VPS8: variants seen among roughly 807,000 people sequenced by gnomAD.
The protein encoded by VPS8 is vacuolar protein sorting-associated protein 8 homolog.
VPS8 carries 129 observed loss-of-function variants against 216.4 expected under a neutral mutation model. The ratio of observed to expected loss-of-function variants is 0.60; its 90% CI spans 0.52 to 0.69. The LOEUF (loss-of-function observed/expected upper bound fraction) is 0.69. Ranked by LOEUF, VPS8 falls within the 30% of genes least tolerant of loss-of-function variation. The pLI is 0.00. For synonymous variants in VPS8, 571 were observed against 565.4 expected (o/e 1.01, Z -0.14); for missense variants, 1,531 against 1,683.5 (o/e 0.91, Z 1.59).
intron 42 of VPS8, among the ~76,000 whole-genome samples, chr3:184,993,156 T>C (rs1240127767): frequency 1.3e-5 from 2 of 152,046 alleles, no homozygotes; most frequent in Non-Finnish European, 2.9e-5. Flanking sequence ...CAATATACCA[T>C]TGAATTAAAA....
Position 184,831,792 on chromosome 3 carries a change from T to C in VPS8, c.223-897T>C, listed in dbSNP as rs189065784. On this transcript the variant is annotated intron_variant, in intron 3 of 47. Coordinates refer to ENST00000625842, the MANE Select transcript of VPS8 (RefSeq NM_001009921.3). ...TCCCTCTGTTGACTTCTTCTGCAGC[T>C]TCTTAGGTTGGGATCTCCCGTTTTT... Among the ~76,000 whole-genome samples the C allele has an allele frequency of 7.0e-4, 106 of 152,296 alleles. 1 individual carries two copies. The highest frequency in any genetic ancestry group is 2.5e-3 in the African/African-American group (102 of 41,560).
chr3:184,963,502 T>G (rs1746886977), intron 37 of VPS8, among the ~76,000 whole-genome samples: 1 of 152,116 alleles, frequency 6.6e-6, no homozygotes, highest in Admixed American at 6.5e-5. Context: ...ATGTTACTGA[T>G]TTTTGTACAT....
At chr3:184,834,240 C>G (rs1401958104) in intron 4 of VPS8, among the ~76,000 whole-genome samples, 1 of 152,156 alleles carries the variant, frequency 6.6e-6, no homozygotes, top group Non-Finnish European at 1.5e-5. Context: ...CTGCCGCATT[C>G]CCTAAGGTGG....
At chr3:184,952,705 C>CATT (rs1488332290) in intron 36 of VPS8, among the ~76,000 whole-genome samples, 1 of 152,196 alleles carries the variant, frequency 6.6e-6, no homozygotes, top group Non-Finnish European at 1.5e-5. Flanking sequence ...AATATGGCAG[C>CATT]ATTAGCACAA....
At chr3:185,023,304 T>G (rs892478290) in intron 45 of VPS8, among the ~76,000 whole-genome samples, 1 of 152,240 alleles carries the variant, frequency 6.6e-6, no homozygotes, top group African/African-American at 2.4e-5. Context: ...AGCTATTAGG[T>G]ACATAGATGT....
intron 36 of VPS8, among the ~76,000 whole-genome samples, chr3:184,951,116 G>A (rs1020587743): frequency 2.6e-5 from 4 of 152,086 alleles, no homozygotes; most frequent in African/African-American, 9.7e-5. Flanking sequence ...GGTATTTCTG[G>A]TTCTAGCTCC....
chr3:184,895,006 G>T, intron 23 of VPS8, 81 bp downstream of exon 23: 2 of 1,179,048 alleles, frequency 1.7e-6, no homozygotes, highest in African/African-American at 1.6e-5. Context: ...GATCAGGCCT[G>T]ACCCTGCCTT....
intron 46 of VPS8, among the ~76,000 whole-genome samples, chr3:185,039,746 G>T (rs983834553): frequency 5.3e-5 from 8 of 152,048 alleles, no homozygotes; most frequent in Non-Finnish European, 1.5e-5. Flanking sequence ...GCTACCTCAT[G>T]GGTCTCATGT....
rs762452279 is a variant in VPS8, at chr3:184,957,446, G to A, written c.3108G>A (p.Leu1036=). The change falls in exon 37 of 48, where the codon TTG becomes TTA. Residue 1036 remains leucine (L), a synonymous_variant. Coordinates refer to ENST00000625842, the MANE Select transcript of VPS8 (RefSeq NM_001009921.3). ...TCACAGAGCAGTTCATTGAGCTGTTGTGTCAGTTCAACCCAACCCAAGTTA... is the reference window on the plus strand; with the variant it reads ...TCACAGAGCAGTTCATTGAGCTGTTATGTCAGTTCAACCCAACCCAAGTTA... ...PCITEQFIEL[L]CQFNPTQVIE... 6.2e-7 allele frequency: 1 copy of A among 1,612,602 alleles called. No homozygotes were observed. The highest frequency in any genetic ancestry group is 8.5e-7 in the Non-Finnish European group (1 of 1,179,292).
chr3:184,982,747 T>C, intron 41 of VPS8, 100 bp downstream of exon 41: 1 of 1,005,018 alleles, frequency 1.0e-6, no homozygotes, highest in East Asian at 2.6e-5. Flanking sequence ...CAATAGCATA[T>C]TCTTATGATT....
At chr3:184,969,058 A>G (rs1410834070) in intron 39 of VPS8, among the ~76,000 whole-genome samples, 1 of 152,068 alleles carries the variant, frequency 6.6e-6, no homozygotes, top group African/African-American at 2.4e-5. Context: ...TGTTTAGTCA[A>G]TTTGGTTATG....
At chr3:184,965,937 A>C (rs1278297659) in intron 38 of VPS8, among the ~76,000 whole-genome samples, 2 of 152,216 alleles carry the variant, frequency 1.3e-5, no homozygotes, top group Non-Finnish European at 1.5e-5. Flanking sequence ...TTAGCTTATA[A>C]GCTTTTTACT....
At position 184,891,123 on chromosome 3, in the gene VPS8, A is replaced by T. The variant is rs1031093136; in HGVS notation, c.1782-3580A>T. ...TATATAGCAATAAAGCAGTTATTTT[A>T]AAAAAAAGCAAAATGGGTGCTCTAT... is the stretch of plus-strand genomic sequence containing the variant. On this transcript the variant is annotated intron_variant, in intron 22 of 47. Coordinates refer to ENST00000625842, the MANE Select transcript of VPS8 (RefSeq NM_001009921.3). Among the ~76,000 whole-genome samples the T allele has an allele frequency of 9.7e-5, 14 of 144,694 alleles. No homozygotes were observed. The East Asian group carries it at 1.9e-3, about 20-fold the overall frequency. 94.9% of individuals were successfully genotyped at this position (144,694 alleles called of 152,430 possible). A position where few individuals can be genotyped will look rare whatever the true frequency, so the allele number is the denominator to read the frequency against.
At chr3:184,851,280 G>T (rs1487035455) in intron 10 of VPS8, among the ~76,000 whole-genome samples, 2 of 152,182 alleles carry the variant, frequency 1.3e-5, no homozygotes, top group African/African-American at 4.8e-5. Flanking sequence ...TGTGTTGCTT[G>T]ACAATGGTGA....
At chr3:184,986,990 G>A (rs947601185) in intron 42 of VPS8, among the ~76,000 whole-genome samples, 38 of 152,110 alleles carry the variant, frequency 2.5e-4, no homozygotes, top group African/African-American at 9.2e-4. Context: ...TTGTACAGTT[G>A]TATGGGTTTT....
At chr3:184,841,670 A>G (rs1277112714) in intron 7 of VPS8, among the ~76,000 whole-genome samples, 1 of 152,176 alleles carries the variant, frequency 6.6e-6, no homozygotes, top group African/African-American at 2.4e-5. Context: ...CTGCTCTCCT[A>G]TCAGGTGTTC....
At chr3:185,003,156 A>ATTT (rs57940868) in intron 45 of VPS8, among the ~76,000 whole-genome samples, 2,202 of 128,458 alleles carry the variant, frequency 0.017, 98 homozygotes, top group African/African-American at 0.058. Flanking sequence ...ATTTTTTCTC[A>ATTT]TTTTTTTTTT....
intron 22 of VPS8, among the ~76,000 whole-genome samples, chr3:184,890,970 A>T (rs1024532069): frequency 1.4e-4 from 21 of 152,060 alleles, no homozygotes; most frequent in African/African-American, 5.1e-4. Flanking sequence ...AATATAGGCT[A>T]TATGTTAGCA....
At chr3:184,975,898 C>T (rs949298575) in intron 40 of VPS8, among the ~76,000 whole-genome samples, 6 of 152,118 alleles carry the variant, frequency 3.9e-5, no homozygotes, top group African/African-American at 1.4e-4. Context: ...ATAAGTCACA[C>T]TTAATCATGG....
Sources: allele counts gnomAD v4.1 joint callset (sites outside exome capture counted in the v4.1 genomes callset), GRCh38; gene constraint gnomAD v4.1.1; transcripts MANE v1.5; gene names NCBI Gene and HGNC (gene_info 2026-07-23, HGNC 2026-07-21).